The following ZNF322 variants were observed in gnomAD, a reference collection of about 807,000 sequenced individuals.
ZNF322 encodes the protein zinc finger protein 322.
ZNF322 carries 1 observed loss-of-function variant against 18.3 expected under a neutral mutation model. The observed-to-expected ratio is 0.05, with a 90% CI of 0.02 to 0.26. The LOEUF is 0.26. Among genes scored for constraint, ZNF322 ranks in the 10% least tolerant of loss-of-function variants. The pLI, the probability that ZNF322 is intolerant of heterozygous loss-of-function variation, is 1.00. For missense variants in ZNF322, 36 were observed against 403.6 expected, an observed-to-expected ratio of 0.09 and a Z score of 7.80; for synonymous variants, 17 against 130.7, an observed-to-expected ratio of 0.13 and a Z score of 5.93.
At chr6:26,657,806 G>A (rs900960418) in intron 2 of ZNF322, among the ~76,000 whole-genome samples, 3 of 152,128 alleles carry the variant, frequency 2.0e-5, no homozygotes, top group South Asian at 2.1e-4. Context: ...CATCTAGCAA[G>A]CCCAAATACA....
At chr6:26,640,061 G>T (rs1024222629) in intron 3 of ZNF322, among the ~76,000 whole-genome samples, 4 of 151,888 alleles carry the variant, frequency 2.6e-5, no homozygotes, top group Admixed American at 6.6e-5. Context: ...CTTCGTATTG[G>T]ACCATTCCAA....
In ZNF322 at chr6:26,643,724, G is replaced by T; in HGVS notation, c.-241C>A. 1 of 158,932 alleles carries T rather than the reference G, an allele frequency of 6.3e-6. No individual in the cohort carries two copies. 9.8% of individuals were successfully genotyped at this position (158,932 alleles called of 1,614,324 possible). A position where few individuals can be genotyped will look rare whatever the true frequency, so the allele number is the denominator to read the frequency against. ...ACAATTTGACTTCTCAAAGAAGATA[G>T]CATTCTGTAAAACACAAAGACAAGG... On this transcript the variant is annotated 5_prime_UTR_variant, in exon 3 of 4. It introduces an in-frame stop codon into an upstream open reading frame of the 5' UTR. Coordinates refer to ENST00000415922, the MANE Select transcript of ZNF322 (RefSeq NM_024639.5).
At chr6:26,645,169 T>G (rs1401645848) in intron 2 of ZNF322, among the ~76,000 whole-genome samples, 1 of 151,834 alleles carries the variant, frequency 6.6e-6, no homozygotes. Flanking sequence ...ATATAAAGAA[T>G]GTGGTAATAA....
intron 2 of ZNF322, among the ~76,000 whole-genome samples, chr6:26,649,699 A>ATTTTT (rs1561924977): frequency 6.0e-5 from 4 of 66,606 alleles, no homozygotes; most frequent in African/African-American, 2.0e-4. Context: ...ATATATATAT[A>ATTTTT]TATTTTTTTT....
intron 2 of ZNF322, among the ~76,000 whole-genome samples, chr6:26,656,676 G>T (rs189575771): frequency 2.0e-5 from 3 of 152,194 alleles, no homozygotes; most frequent in Admixed American, 2.0e-4. Flanking sequence ...GTTCATAAAA[G>T]GTTTTGTCTT....
chr6:26,652,685 C>T (rs902096770), intron 2 of ZNF322, among the ~76,000 whole-genome samples: 3 of 150,750 alleles, frequency 2.0e-5, no homozygotes, highest in South Asian at 2.1e-4. Context: ...AGTGAAACTC[C>T]GTCTCAAAAA....
intron 2 of ZNF322, among the ~76,000 whole-genome samples, chr6:26,653,281 T>TA (rs1765706242): frequency 6.6e-6 from 1 of 152,192 alleles, no homozygotes; most frequent in African/African-American, 2.4e-5. Flanking sequence ...AGGGAATGCA[T>TA]ATGGGTACAA....
chr6:26,654,833 T>C lies in ZNF322; in HGVS notation c.-246+3725A>G, dbSNP rs569616812. On this transcript the variant is annotated intron_variant, in intron 2 of 3. Coordinates refer to ENST00000415922, the MANE Select transcript of ZNF322 (RefSeq NM_024639.5). ...AATCTGAAAATATCTCCCCACTAGA[T>C]ATTTAATAATTATAAATATAAAAAG... 2.0e-5 allele frequency among the ~76,000 whole-genome samples: 3 copies of C among 152,228 alleles called. No individual in the cohort carries two copies. In the East Asian group the frequency reaches 5.8e-4, roughly 29 times the overall value.
chr6:26,640,500 C>CT (rs1289610440), intron 3 of ZNF322, among the ~76,000 whole-genome samples: 1 of 152,206 alleles, frequency 6.6e-6, no homozygotes, highest in Admixed American at 6.5e-5. Context: ...AAGGCTCTCT[C>CT]TCTCACCTCA....
intron 3 of ZNF322, among the ~76,000 whole-genome samples, chr6:26,640,300 C>T (rs1184741728): frequency 6.6e-6 from 1 of 152,198 alleles, no homozygotes; most frequent in Non-Finnish European, 1.5e-5. Flanking sequence ...TAGAAACCTA[C>T]AAGCTCTTAA....
intron 2 of ZNF322, among the ~76,000 whole-genome samples, chr6:26,649,310 T>TAAACAC (rs70981103): frequency 0.19 from 29,527 of 151,808 alleles, 2,970 homozygotes; most frequent in African/African-American, 0.24. Flanking sequence ...AATCCAGAAA[T>TAAACAC]AAACACATAT....
chr6:26,636,807 T>C lies in ZNF322; in HGVS notation c.*538A>G, dbSNP rs1765362192. ...GGCTCTCCAACGAATGCTTTTGCCA[T>C]ACTTAAGACAAATATACAATTTTTC... On this transcript the variant is annotated 3_prime_UTR_variant, in exon 4 of 4. Coordinates refer to ENST00000415922, the MANE Select transcript of ZNF322 (RefSeq NM_024639.5). 7.7e-6 allele frequency: 1 copy of C among 130,562 alleles called. No homozygotes were observed. The highest frequency in any genetic ancestry group is 1.6e-5 in the Non-Finnish European group (1 of 61,646). 8.1% of individuals were successfully genotyped at this position (130,562 alleles called of 1,614,324 possible).
At chr6:26,648,481 T>G (rs1765594466) in intron 2 of ZNF322, among the ~76,000 whole-genome samples, 4 of 152,178 alleles carry the variant, frequency 2.6e-5, no homozygotes, top group Admixed American at 2.6e-4. Flanking sequence ...ATTAGAGGTG[T>G]GAAAGAAGTA....
intron 2 of ZNF322, among the ~76,000 whole-genome samples, chr6:26,646,975 G>T (rs1765569748): frequency 6.6e-6 from 1 of 152,012 alleles, no homozygotes; most frequent in Non-Finnish European, 1.5e-5. Context: ...CAATCTATGG[G>T]ATAAATTTAA....
At chr6:26,643,492 G>A (rs1005917461) in intron 3 of ZNF322, among the ~76,000 whole-genome samples, 167 bp downstream of exon 3, 2 of 152,174 alleles carry the variant, frequency 1.3e-5, no homozygotes, top group Non-Finnish European at 2.9e-5. Context: ...CAAAGTTGGT[G>A]CTTAATAAGC....
At chr6:26,640,188 T>G (rs1765442868) in intron 3 of ZNF322, among the ~76,000 whole-genome samples, 1 of 152,174 alleles carries the variant, frequency 6.6e-6, no homozygotes, top group Non-Finnish European at 1.5e-5. Context: ...CGCTTTGAAA[T>G]AAATAAACCT....
intron 3 of ZNF322, among the ~76,000 whole-genome samples, chr6:26,641,866 C>G (rs1216079457): frequency 6.6e-6 from 1 of 152,044 alleles, no homozygotes; most frequent in Non-Finnish European, 1.5e-5. Context: ...GATATGGCCT[C>G]GTGGGAAGGG....
intron 2 of ZNF322, among the ~76,000 whole-genome samples, chr6:26,649,095 A>G (rs1274077939): frequency 2.0e-5 from 3 of 152,268 alleles, no homozygotes; most frequent in Non-Finnish European, 4.4e-5. Context: ...CTGGCCCTTT[A>G]AAGAAAAATC....
intron 2 of ZNF322, among the ~76,000 whole-genome samples, chr6:26,649,703 T>TA (rs1561925009): frequency 8.1e-5 from 8 of 98,928 alleles, no homozygotes; most frequent in African/African-American, 2.5e-4. Flanking sequence ...ATATATATAT[T>TA]TTTTTTTTTT....
Sources: allele counts gnomAD v4.1 joint callset (sites outside exome capture counted in the v4.1 genomes callset), GRCh38; gene constraint gnomAD v4.1.1; transcripts MANE v1.5; gene names NCBI Gene and HGNC (gene_info 2026-07-23, HGNC 2026-07-21).